AGBL4: variants seen among roughly 807,000 people sequenced by gnomAD.
The protein encoded by AGBL4 is AGBL carboxypeptidase 4, also known as cytosolic carboxypeptidase 6.
In AGBL4, 58 loss-of-function variants were observed where a neutral mutation model predicts 66.4. That is an observed-to-expected ratio of 0.87 (90% CI 0.71 to 1.09). The LOEUF (loss-of-function observed/expected upper bound fraction) is 1.09, where lower values mean the gene tolerates loss of function less well. AGBL4 is among the 50% of genes least tolerant of loss of function. The pLI is 0.00. For missense variants in AGBL4, 579 were observed against 631.0 expected (o/e 0.92, Z 0.88); for synonymous variants, 234 against 222.9 (o/e 1.05, Z -0.44).
chr1:49,478,804 A>G (rs1372690237), intron 3 of AGBL4, among the ~76,000 whole-genome samples: 1 of 152,104 alleles, frequency 6.6e-6, no homozygotes, highest in Non-Finnish European at 1.5e-5. Flanking sequence ...ACGATGCAAT[A>G]AGACATAAAT....
intron 4 of AGBL4, among the ~76,000 whole-genome samples, chr1:49,204,441 A>G (rs1170041030): frequency 6.6e-6 from 1 of 151,674 alleles, no homozygotes; most frequent in Non-Finnish European, 1.5e-5. Context: ...TGGCTAGTTA[A>G]GAAAAAAAAA....
intron 3 of AGBL4, among the ~76,000 whole-genome samples, chr1:49,509,334 C>G (rs1558007078): frequency 6.6e-6 from 1 of 151,846 alleles, no homozygotes; most frequent in African/African-American, 2.4e-5. Flanking sequence ...CTCCATATGT[C>G]AGGGCCTGTA....
intron 6 of AGBL4, among the ~76,000 whole-genome samples, chr1:48,843,680 T>C (rs1241082769): frequency 6.6e-6 from 1 of 152,074 alleles, no homozygotes; most frequent in African/African-American, 2.4e-5. Context: ...CTGAATTTCA[T>C]TGACGCCCAG....
rs566905904 is a variant in AGBL4 at position 49,098,458 on chromosome 1, T to G, written c.378-52658A>C. On this transcript the variant is annotated intron_variant, in intron 4 of 13. Transcript: ENST00000371839. ...GAACAGCCTGAGATATGAGAAGAGA[T>G]GTGATCTGAGGATAGGAAAATGCCG... is the stretch of plus-strand genomic sequence containing the variant. 4.1e-4 allele frequency among the ~76,000 whole-genome samples: 62 copies of G among 152,086 alleles called. 1 individual carries two copies. Among genetic ancestry groups the G allele is most frequent in the Non-Finnish European group, 2.1e-4 (14 of 68,024 alleles).
chr1:48,671,197 T>C (rs1031424092), intron 6 of AGBL4, among the ~76,000 whole-genome samples: 1 of 152,242 alleles, frequency 6.6e-6, no homozygotes, highest in African/African-American at 2.4e-5. Context: ...CAGCATCTGT[T>C]ATGCCAGCCA....
At chr1:48,716,545 G>A (rs1647053741) in intron 6 of AGBL4, among the ~76,000 whole-genome samples, 1 of 152,096 alleles carries the variant, frequency 6.6e-6, no homozygotes, top group Admixed American at 6.5e-5. Flanking sequence ...GAGCCATAGG[G>A]GAGAGACTGG....
Position 49,697,365 on chromosome 1 carries a change from G to A in AGBL4, c.230C>T (p.Pro77Leu). ...AAAGTTGAACCAGACTCGGAAGCGT[G>A]GATTACAGGTGTCCGGCCTAATGAA... ...DLFIRPDTCN[P>L]RFRVWFNFTV... is the part of the protein sequence containing the mutation. Residue 77 changes from proline to leucine, a missense_variant, in exon 3 of 14, where the codon CCA (proline) becomes CTA (leucine). Coordinates refer to ENST00000371839, the MANE Select transcript of AGBL4 (RefSeq NM_032785.4). The A allele has an allele frequency of 2.6e-6, 4 of 1,548,190 alleles. No individual in the cohort carries two copies. Among genetic ancestry groups the A allele is most frequent in the Non-Finnish European group, 3.5e-6 (4 of 1,144,436 alleles).
intron 6 of AGBL4, among the ~76,000 whole-genome samples, chr1:48,675,932 A>G (rs1646358026): frequency 6.6e-6 from 1 of 152,268 alleles, no homozygotes; most frequent in South Asian, 2.1e-4. Flanking sequence ...TTTCTTGAAT[A>G]AAATAAATTA....
rs1229942690 is a variant in AGBL4 at position 49,413,140 on chromosome 1, TG to T, written c.283-167277del. On this transcript the variant is annotated intron_variant, in intron 3 of 13. Coordinates refer to ENST00000371839, the MANE Select transcript of AGBL4 (RefSeq NM_032785.4). ...CACACAACCTGGTAGTGTCCTTTACTGTCTCATTGGGTGATTATGATTCAGT... is the reference window on the plus strand; with the variant it reads ...CACACAACCTGGTAGTGTCCTTTACTTCTCATTGGGTGATTATGATTCAGT... 2.0e-5 allele frequency among the ~76,000 whole-genome samples: 3 copies of T among 152,250 alleles called. No individual in the cohort carries two copies. In the East Asian group the frequency reaches 5.8e-4, roughly 29 times the overall value.
intron 3 of AGBL4, among the ~76,000 whole-genome samples, chr1:49,630,560 G>A (rs1285489674): frequency 2.0e-5 from 3 of 152,086 alleles, no homozygotes; most frequent in Non-Finnish European, 2.9e-5. Flanking sequence ...TGAAAATCCT[G>A]TATCATAAGA....
At chr1:48,539,620 A>C (rs1485423772) in intron 12 of AGBL4, 22 bp downstream of exon 12, 1 of 1,507,770 alleles carries the variant, frequency 6.6e-7, no homozygotes. Context: ...TCAAGCCGAA[A>C]CCTCTCTGCT....
Position 50,019,300 on chromosome 1 carries a change from TCTCTCTCACA to T in AGBL4, c.34+4453_34+4462del, listed in dbSNP as rs1325403038. Among the ~76,000 whole-genome samples the T allele has an allele frequency of 5.0e-4, 36 of 72,140 alleles. No individual in the cohort carries two copies. The East Asian group carries it at 0.032, about 65-fold the overall frequency. The allele number at this position is 72,140 out of a possible 152,430, so 47.3% of individuals were successfully genotyped here. A position where few individuals can be genotyped will look rare whatever the true frequency, so the allele number is the denominator to read the frequency against. On this transcript the variant is annotated intron_variant, in intron 1 of 13. Transcript: ENST00000371839. The stretch of plus-strand genomic sequence containing the variant: ...CTCTCTCTCTCTCTCTCTCTCTCTC[TCTCTCTCACA>T]CACACACACACACACACACACACAC...
intron 3 of AGBL4, among the ~76,000 whole-genome samples, chr1:49,450,001 C>G (rs1180586296): frequency 1.3e-5 from 2 of 152,062 alleles, no homozygotes; most frequent in Non-Finnish European, 2.9e-5. Context: ...TCCCAGCAAA[C>G]GGGCCACCTT....
At chr1:49,132,949 T>C (rs868797525) in intron 4 of AGBL4, among the ~76,000 whole-genome samples, 22 of 152,312 alleles carry the variant, frequency 1.4e-4, no homozygotes, top group South Asian at 1.2e-3. Flanking sequence ...CGTAGGTTTA[T>C]TGCAGCACTA....
chr1:49,594,414 T>C (rs1644812041), intron 3 of AGBL4, among the ~76,000 whole-genome samples: 1 of 152,296 alleles, frequency 6.6e-6, no homozygotes, highest in South Asian at 2.1e-4. Flanking sequence ...GTTACATAGG[T>C]ATACATGTGC....
intron 3 of AGBL4, among the ~76,000 whole-genome samples, chr1:49,503,742 A>G (rs1257865990): frequency 1.3e-5 from 2 of 152,110 alleles, no homozygotes; most frequent in African/African-American, 4.8e-5. Flanking sequence ...CCTTTTGTTT[A>G]GGCCAATTTC....
At position 49,259,083 on chromosome 1, in the gene AGBL4, A is replaced by C. The variant is rs1301503964; in HGVS notation, c.283-13219T>G. ...GATCCATAAGTGAAGGAGAAATAAA[A>C]TACCTTACAGACAAGCAAATGCTGA... On this transcript the variant is annotated intron_variant, in intron 3 of 13. Transcript: ENST00000371839. 3.3e-5 allele frequency among the ~76,000 whole-genome samples: 5 copies of C among 152,168 alleles called. No individual in the cohort carries two copies. In the East Asian group the frequency reaches 7.7e-4, roughly 23 times the overall value.
intron 3 of AGBL4, among the ~76,000 whole-genome samples, chr1:49,301,132 T>G (rs1644737385): frequency 6.6e-6 from 1 of 152,226 alleles, no homozygotes; most frequent in African/African-American, 2.4e-5. Context: ...GTATGCATTG[T>G]GAAGCAGGCA....
intron 6 of AGBL4, among the ~76,000 whole-genome samples, chr1:48,843,828 C>T (rs181328590): frequency 3.9e-5 from 6 of 152,110 alleles, no homozygotes; most frequent in Admixed American, 1.3e-4. Context: ...ACTGGAACTT[C>T]CCTCCATGCT....
Sources: allele counts gnomAD v4.1 joint callset (sites outside exome capture counted in the v4.1 genomes callset), GRCh38; gene constraint gnomAD v4.1.1; transcripts MANE v1.5; gene names NCBI Gene and HGNC (gene_info 2026-07-23, HGNC 2026-07-21).